The following NOS1AP variants were observed in gnomAD, a reference collection of about 807,000 sequenced individuals.
The protein encoded by NOS1AP is carboxyl-terminal PDZ ligand of neuronal nitric oxide synthase protein.
NOS1AP carries 21 observed loss-of-function variants against 56.2 expected under a neutral mutation model. The observed-to-expected ratio is 0.37, with a 90% confidence interval of 0.26 to 0.54. NOS1AP has a LOEUF of 0.54. Ranked by LOEUF, NOS1AP falls within the 20% of genes least tolerant of loss-of-function variation. The pLI, the probability that NOS1AP is intolerant of heterozygous loss-of-function variation, is 0.84. For synonymous variants in NOS1AP, 270 were observed against 274.6 expected (o/e 0.98, Z 0.17); for missense variants, 522 against 657.8 (o/e 0.79, Z 2.26).
chr1:162,197,218 A>G, intron 2 of NOS1AP, among the ~76,000 whole-genome samples: 1 of 152,228 alleles, frequency 6.6e-6, no homozygotes, highest in East Asian at 1.9e-4. Flanking sequence ...TTGAAGGCCA[A>G]TGCAAAGACC....
chr1:162,222,820 G>A (rs1652824905), intron 2 of NOS1AP, among the ~76,000 whole-genome samples: 1 of 152,198 alleles, frequency 6.6e-6, no homozygotes, highest in East Asian at 1.9e-4. Flanking sequence ...AAGAGAAACA[G>A]TACATCCACT....
chr1:162,082,099 C>A (rs1451940136), intron 1 of NOS1AP, among the ~76,000 whole-genome samples: 1 of 151,974 alleles, frequency 6.6e-6, no homozygotes, highest in Non-Finnish European at 1.5e-5. Context: ...AACCTCTACC[C>A]TCTGAAAGGC....
At chr1:162,224,462 T>C (rs1365609164) in intron 2 of NOS1AP, among the ~76,000 whole-genome samples, 1 of 152,108 alleles carries the variant, frequency 6.6e-6, no homozygotes, top group Non-Finnish European at 1.5e-5. Flanking sequence ...AGGACATTAT[T>C]TGATGTTCAA....
At chr1:162,257,984 T>A (rs1199127935) in intron 2 of NOS1AP, among the ~76,000 whole-genome samples, 1 of 152,202 alleles carries the variant, frequency 6.6e-6, no homozygotes, top group African/African-American at 2.4e-5. Context: ...CTTTTTTTTT[T>A]ATTTTAAATG....
intron 1 of NOS1AP, among the ~76,000 whole-genome samples, chr1:162,141,914 C>T (rs1267940921): frequency 6.6e-6 from 1 of 152,162 alleles, no homozygotes; most frequent in Non-Finnish European, 1.5e-5. Context: ...AGGAGTGGGA[C>T]TGCCTGAAGG....
At chr1:162,268,750 T>C (rs1293252904) in intron 2 of NOS1AP, among the ~76,000 whole-genome samples, 2 of 151,488 alleles carry the variant, frequency 1.3e-5, no homozygotes, top group African/African-American at 4.9e-5. Flanking sequence ...CTCTCAGAAA[T>C]TAAAAATATA....
intron 1 of NOS1AP, among the ~76,000 whole-genome samples, chr1:162,117,641 A>G (rs1648021312): frequency 6.6e-6 from 1 of 152,212 alleles, no homozygotes; most frequent in Non-Finnish European, 1.5e-5. Flanking sequence ...GAACAAATGT[A>G]TCATTGTGCT....
chr1:162,247,649 G>A (rs1232932892), intron 2 of NOS1AP, among the ~76,000 whole-genome samples: 1 of 152,090 alleles, frequency 6.6e-6, no homozygotes, highest in African/African-American at 2.4e-5. Flanking sequence ...ATTTCTACAT[G>A]TATCAGGCTT....
intron 4 of NOS1AP, among the ~76,000 whole-genome samples, chr1:162,306,278 T>G (rs969930300): frequency 5.9e-5 from 9 of 152,176 alleles, no homozygotes; most frequent in African/African-American, 2.2e-4. Flanking sequence ...AAGTTTCTGA[T>G]GCTGGGCCTG....
At chr1:162,265,508 T>A (rs1654395052) in intron 2 of NOS1AP, among the ~76,000 whole-genome samples, 1 of 152,046 alleles carries the variant, frequency 6.6e-6, no homozygotes, top group Non-Finnish European at 1.5e-5. Flanking sequence ...GATAGTTTAC[T>A]GAGAATGTTG....
At chr1:162,134,806 A>G (rs1169207649) in intron 1 of NOS1AP, among the ~76,000 whole-genome samples, 1 of 152,154 alleles carries the variant, frequency 6.6e-6, no homozygotes, top group African/African-American at 2.4e-5. Flanking sequence ...AAACCTGATC[A>G]AAGTTCGTGG....
chr1:162,287,817 GC>G (rs1274709400), intron 3 of NOS1AP, among the ~76,000 whole-genome samples: 1 of 152,216 alleles, frequency 6.6e-6, no homozygotes, highest in Non-Finnish European at 1.5e-5. Context: ...GGCTTCCTCA[GC>G]AGCTGTCCCC....
chr1:162,343,373 C>T (rs937738531), intron 5 of NOS1AP, among the ~76,000 whole-genome samples: 4 of 152,190 alleles, frequency 2.6e-5, no homozygotes, highest in Non-Finnish European at 5.9e-5. Flanking sequence ...TTGGTTTCTG[C>T]TGTTTAGGCC....
intron 2 of NOS1AP, among the ~76,000 whole-genome samples, chr1:162,255,435 C>T (rs1400431518): frequency 6.7e-6 from 1 of 149,702 alleles, no homozygotes; most frequent in Non-Finnish European, 1.5e-5. Context: ...TCAGGAGACC[C>T]AGACAGTTGG....
intron 1 of NOS1AP, among the ~76,000 whole-genome samples, chr1:162,080,486 G>A (rs1691861767): frequency 6.6e-6 from 1 of 152,104 alleles, no homozygotes; most frequent in Non-Finnish European, 1.5e-5. Context: ...CCCTACCAAG[G>A]GGCCTGCCCT....
intron 1 of NOS1AP, among the ~76,000 whole-genome samples, chr1:162,138,527 G>A (rs1341680304): frequency 1.3e-5 from 2 of 152,218 alleles, no homozygotes; most frequent in Non-Finnish European, 2.9e-5. Flanking sequence ...TGGATAGATA[G>A]TGGAGGGAGA....
At chr1:162,321,731 A>AAATATATAT (rs1480278757) in intron 4 of NOS1AP, among the ~76,000 whole-genome samples, 151 of 128,466 alleles carry the variant, frequency 1.2e-3, no homozygotes, top group Non-Finnish European at 2.2e-3. Flanking sequence ...AAAAAAAAAA[A>AAATATATAT]ATATATATAT....
chr1:162,124,286 C>T (rs1236269633), intron 1 of NOS1AP, among the ~76,000 whole-genome samples: 1 of 152,130 alleles, frequency 6.6e-6, no homozygotes, highest in East Asian at 1.9e-4. Flanking sequence ...GTCTTGCCCT[C>T]TGCCCTTCTG....
chr1:162,298,249 C>G (rs1422265957), intron 3 of NOS1AP, among the ~76,000 whole-genome samples: 1 of 152,232 alleles, frequency 6.6e-6, no homozygotes, highest in African/African-American at 2.4e-5. Flanking sequence ...CTCATCTTCC[C>G]TGCCAGCTGG....
Sources: gnomAD v4.1 joint callset for allele counts (sites outside exome capture counted in the v4.1 genomes callset) on GRCh38, gnomAD v4.1.1 for gene constraint, MANE v1.5 for transcripts, NCBI Gene and HGNC (gene_info 2026-07-23, HGNC 2026-07-21) for gene names.